ACAD10: variants seen among roughly 807,000 people sequenced by gnomAD.
ACAD10 encodes the protein ACAD-10.
ACAD10 carries 112 observed loss-of-function variants against 116.8 expected under a neutral mutation model. The observed-to-expected ratio is 0.96, with a 90% CI of 0.82 to 1.12. ACAD10 has a LOEUF of 1.12. Ranked by LOEUF, ACAD10 falls within the 50% of genes most tolerant of loss-of-function variation. ACAD10 has a pLI of 0.00. For synonymous variants in ACAD10, 486 were observed against 510.6 expected (o/e 0.95, Z 0.65); for missense variants, 1,259 against 1,350.2 (o/e 0.93, Z 1.06).
At chr12:111,712,410 A>G in intron 5 of ACAD10, 88 bp from the exon 6 acceptor site, 1 of 1,214,310 alleles carries the variant, frequency 8.2e-7, no homozygotes, top group Middle Eastern at 2.7e-4. Context: ...AAAAATATAT[A>G]CGTGTATATA....
chr12:111,750,080 G>C (rs960600565), intron 18 of ACAD10, among the ~76,000 whole-genome samples: 1 of 144,402 alleles, frequency 6.9e-6, no homozygotes, highest in African/African-American at 2.6e-5. Context: ...GCAAAAAAAA[G>C]AAAAAGTTTT....
At chr12:111,711,879 T>C (rs746715653) in intron 5 of ACAD10, among the ~76,000 whole-genome samples, 10 of 152,242 alleles carry the variant, frequency 6.6e-5, no homozygotes, top group Non-Finnish European at 1.3e-4. Flanking sequence ...TTTTAGTTCC[T>C]GCAATTTAGT....
intron 7 of ACAD10, among the ~76,000 whole-genome samples, chr12:111,720,252 A>T (rs1304974881): frequency 3.3e-5 from 5 of 152,222 alleles, no homozygotes; most frequent in African/African-American, 1.2e-4. Flanking sequence ...TTTACTTGAA[A>T]TAATGTGTAT....
chr12:111,706,047 A>T, intron 4 of ACAD10, 115 bp downstream of exon 4: 1 of 1,126,442 alleles, frequency 8.9e-7, no homozygotes, highest in Non-Finnish European at 1.3e-6. Context: ...TCCTTCAGCC[A>T]CTTGACTAAG....
At chr12:111,750,703 A>G (rs1045156391) in intron 18 of ACAD10, among the ~76,000 whole-genome samples, 27 of 152,208 alleles carry the variant, frequency 1.8e-4, no homozygotes, top group African/African-American at 6.3e-4. Flanking sequence ...ACATCCAGAA[A>G]ACTTTATTCG....
Position 111,709,439 on chromosome 12 carries a change from T to A in ACAD10, c.532-87T>A, listed in dbSNP as rs553697472. 2.4e-5 allele frequency: 28 copies of A among 1,153,158 alleles called. No individual in the cohort carries two copies. The African/African-American group carries it at 4.1e-4, about 17-fold the overall frequency. The allele number at this position is 1,153,158 out of a possible 1,614,324, so 71.4% of individuals were successfully genotyped here. ...TAATAAATCTCAACTGTCCTTCTTA[T>A]GCTTTTCCTCTCAAAAAGTTTACCA... is the stretch of plus-strand genomic sequence containing the variant. On this transcript the variant is annotated intron_variant, in intron 4 of 20. Transcript: ENST00000313698.
chr12:111,735,860 G>A (rs1281167150), intron 11 of ACAD10, among the ~76,000 whole-genome samples: 2 of 151,466 alleles, frequency 1.3e-5, no homozygotes, highest in Non-Finnish European at 2.9e-5. Flanking sequence ...TTATTTTTGA[G>A]ATGGAGTCTC....
chr12:111,756,411 G>C lies in ACAD10; in HGVS notation c.3118G>C (p.Asp1040His). ...CTGGGCCCGAGCCCTGCGCTTTGCC[G>C]ACGGCCCTGACGAGGTGCACCGGGC... ...FTWARALRFA[D>H]GPDEVHRATV... Residue 1040 changes from aspartate (D) to histidine (H), a missense_variant, in exon 21 of 21, where the codon GAC becomes CAC. Physicochemically the swap from Asp to His is moderately conservative, Grantham distance 81. Coordinates refer to ENST00000313698, the MANE Select transcript of ACAD10 (RefSeq NM_025247.6). 2 of 1,612,378 alleles carry C rather than the reference G, an allele frequency of 1.2e-6. No homozygotes were observed. Among genetic ancestry groups the C allele is most frequent in the Non-Finnish European group, 1.7e-6 (2 of 1,179,778 alleles).
intron 12 of ACAD10, among the ~76,000 whole-genome samples, chr12:111,742,830 C>T (rs961843234): frequency 6.6e-6 from 1 of 152,154 alleles, no homozygotes; most frequent in Non-Finnish European, 1.5e-5. Flanking sequence ...CTGCCTCAGC[C>T]TCCCCGGTAG....
chr12:111,732,033 ACC>A (rs1157985929), intron 10 of ACAD10, among the ~76,000 whole-genome samples: 51 of 152,152 alleles, frequency 3.4e-4, no homozygotes, highest in Non-Finnish European at 7.4e-4. Context: ...GTGAGCCAAG[ACC>A]GCACCACTGC....
In ACAD10 at chr12:111,747,173, T is replaced by G. The variant is rs779812538; in HGVS notation, c.2381T>G (p.Met794Arg). The part of the protein sequence containing the change: ...LEGKARSCFA[M>R]TEPQVASSDA... ...GGGAAAGCCCGCTCCTGTTTTGCTATGACCGAGCCCCAGGTACGTCGCCTG... is the reference window on the plus strand; with the variant it reads ...GGGAAAGCCCGCTCCTGTTTTGCTAGGACCGAGCCCCAGGTACGTCGCCTG... Residue 794 changes from methionine to arginine, a missense_variant, in exon 15 of 21, where the codon ATG (methionine) becomes AGG (arginine). Physicochemically the swap from Met to Arg is moderately conservative, Grantham distance 91 (BLOSUM62 -1). Transcript: ENST00000313698. The G allele has an allele frequency of 2.5e-6, 4 of 1,610,496 alleles. No homozygotes were observed. The highest frequency in any genetic ancestry group is 4.5e-5 in the East Asian group (2 of 44,772).
intron 6 of ACAD10, among the ~76,000 whole-genome samples, chr12:111,714,223 C>T (rs1342536437): frequency 2.0e-5 from 3 of 147,642 alleles, no homozygotes; most frequent in Non-Finnish European, 4.5e-5. Flanking sequence ...GCAGCCTGGG[C>T]AGCAGAGCAA....
intron 3 of ACAD10, among the ~76,000 whole-genome samples, chr12:111,704,863 A>C (rs550559582): frequency 6.6e-6 from 1 of 151,356 alleles, no homozygotes. Flanking sequence ...AATTTTTTGC[A>C]TTTTTAGTAG....
intron 12 of ACAD10, among the ~76,000 whole-genome samples, chr12:111,742,684 G>A (rs1164554113): frequency 6.6e-6 from 1 of 152,040 alleles, no homozygotes. Flanking sequence ...ACGTAGTAAG[G>A]CCCCATCTCT....
intron 3 of ACAD10, among the ~76,000 whole-genome samples, chr12:111,704,206 A>G (rs1232576623): frequency 1.3e-5 from 2 of 151,182 alleles, no homozygotes; most frequent in Admixed American, 1.3e-4. Flanking sequence ...CAGTGGAGCA[A>G]TCTCGGCTCA....
intron 16 of ACAD10, 188 bp downstream of exon 16, chr12:111,747,573 G>A (rs1889949119): frequency 1.4e-6 from 2 of 1,421,672 alleles, no homozygotes; most frequent in African/African-American, 1.4e-5. Context: ...TGTTCTCAGA[G>A]GTGGCACTTC....
intron 3 of ACAD10, 118 bp from the exon 4 acceptor site, chr12:111,705,620 G>C (rs1888479187): frequency 1.1e-6 from 1 of 885,830 alleles, no homozygotes; most frequent in African/African-American, 1.7e-5. Context: ...CTATGAGCCT[G>C]GGCTCTTGTA....
intron 18 of ACAD10, among the ~76,000 whole-genome samples, chr12:111,751,856 C>T (rs886945541): frequency 2.6e-5 from 4 of 151,464 alleles, no homozygotes; most frequent in South Asian, 2.1e-4. Context: ...GTCGGGAGTT[C>T]GAGTCCAGCC....
chr12:111,745,833 CTCTT>C (rs1365774876), intron 13 of ACAD10, among the ~76,000 whole-genome samples: 2 of 142,790 alleles, frequency 1.4e-5, no homozygotes, highest in East Asian at 2.0e-4. Flanking sequence ...CACCATCTCT[CTCTT>C]TTTTTTTTTT....
Sources: allele counts gnomAD v4.1 joint callset (sites outside exome capture counted in the v4.1 genomes callset), GRCh38; gene constraint gnomAD v4.1.1; transcripts MANE v1.5; gene names NCBI Gene and HGNC (gene_info 2026-07-23, HGNC 2026-07-21).